ZNF469: variants seen among roughly 807,000 people sequenced by gnomAD.
ZNF469 encodes the protein zinc finger protein 469.
In ZNF469, 1 loss-of-function variant was observed where a neutral mutation model predicts 1.0. The observed-to-expected ratio is 1.00, with a 90% CI of 0.35 to 4.73. ZNF469 has a LOEUF of 4.73. Ranked by LOEUF, ZNF469 falls within the 30% of genes most tolerant of loss-of-function variation. The pLI is 0.16. For synonymous variants in ZNF469, 2,703 were observed against 2,363.4 expected (o/e 1.14, Z -4.17); for missense variants, 6,100 against 5,356.3 (o/e 1.14, Z -4.33).
chr16:88,101,532 C>T, the ZNF469 span, among the ~76,000 whole-genome samples: 1 of 141,614 alleles, frequency 7.1e-6, no homozygotes, highest in Non-Finnish European at 1.5e-5. Context: ...GTTAAACGTG[C>T]ATCTCATTAC....
At chr16:88,176,666 T>C in the ZNF469 span, among the ~76,000 whole-genome samples, 1 of 152,226 alleles carries the variant, frequency 6.6e-6, no homozygotes, top group Non-Finnish European at 1.5e-5. Flanking sequence ...GTTATCATGA[T>C]GACCGTGTGT....
the ZNF469 span, among the ~76,000 whole-genome samples, chr16:88,168,926 C>A: frequency 6.6e-6 from 1 of 152,082 alleles, no homozygotes; most frequent in Non-Finnish European, 1.5e-5. The surrounding 1 kb of genome is among the most constrained non-coding windows in gnomAD (Gnocchi z 4.3). Flanking sequence ...TGAGACCCCC[C>A]CCTCTACAAA....
At chr16:88,347,065 T>C in the ZNF469 span, among the ~76,000 whole-genome samples, 1 of 152,046 alleles carries the variant, frequency 6.6e-6, no homozygotes, top group Non-Finnish European at 1.5e-5. Flanking sequence ...TGTGGTAATG[T>C]GTGAACAGGC....
the ZNF469 span, among the ~76,000 whole-genome samples, chr16:88,212,308 G>A: frequency 6.6e-6 from 1 of 152,138 alleles, no homozygotes; most frequent in Non-Finnish European, 1.5e-5. Flanking sequence ...GAGTTCTCTT[G>A]CATTACATTT....
At chr16:88,305,436 G>A in the ZNF469 span, among the ~76,000 whole-genome samples, 18 of 101,956 alleles carry the variant, frequency 1.8e-4, no homozygotes, top group African/African-American at 6.3e-4. Flanking sequence ...CCTCACACAC[G>A]TGCACACATG....
chr16:88,179,074 G>A, the ZNF469 span: 1 of 152,412 alleles, frequency 6.6e-6, no homozygotes, highest in African/African-American at 2.4e-5. Context: ...TGGGTGCGTG[G>A]TCCGTGTGTG....
chr16:88,370,210 G>A, the ZNF469 span, among the ~76,000 whole-genome samples: 45 of 152,244 alleles, frequency 3.0e-4, no homozygotes, highest in African/African-American at 1.0e-3. Context: ...GCACCTATTC[G>A]GCACAATTTC....
chr16:88,399,561 G>C (rs72805335), intron 1 of ZNF469, among the ~76,000 whole-genome samples: 18,369 of 152,246 alleles, frequency 0.12, 1,402 homozygotes, highest in African/African-American at 0.21. Flanking sequence ...GGCCAGGCTG[G>C]AGCAGGGACA....
At chr16:88,301,096 C>T in the ZNF469 span, among the ~76,000 whole-genome samples, 3 of 151,904 alleles carry the variant, frequency 2.0e-5, no homozygotes, top group South Asian at 2.1e-4. Flanking sequence ...GAACTAAAGC[C>T]GTTGGGAGCG....
chr16:88,286,303 C>T, the ZNF469 span, among the ~76,000 whole-genome samples: 2 of 152,234 alleles, frequency 1.3e-5, no homozygotes, highest in African/African-American at 4.8e-5. Flanking sequence ...AAGATTGATT[C>T]GCTCCTTGGA....
At chr16:88,229,582 T>TGCCACGC in the ZNF469 span, among the ~76,000 whole-genome samples, 275 of 146,260 alleles carry the variant, frequency 1.9e-3, 2 homozygotes, top group Middle Eastern at 0.011. Context: ...TGTGCGCTGA[T>TGCCACGC]GTCACGCGTG....
the ZNF469 span, among the ~76,000 whole-genome samples, chr16:88,280,244 A>C: frequency 2.7e-5 from 4 of 149,814 alleles, 1 homozygote; most frequent in African/African-American, 7.4e-5. Flanking sequence ...CCTGACGCTC[A>C]GTCAGTACTG....
intron 1 of ZNF469, among the ~76,000 whole-genome samples, chr16:88,422,149 T>G (rs1597202233): frequency 7.3e-6 from 1 of 137,858 alleles, no homozygotes; most frequent in African/African-American, 2.8e-5. Flanking sequence ...GGTGAACGGG[T>G]GGGTGGATGG....
chr16:88,297,999 G>A, the ZNF469 span, among the ~76,000 whole-genome samples: 10 of 152,300 alleles, frequency 6.6e-5, no homozygotes, highest in Non-Finnish European at 1.2e-4. Flanking sequence ...CGAGCAGGGC[G>A]AGTCGATTCC....
chr16:88,364,489 CAAAAAAAAAAAAAAAA>C, the ZNF469 span, among the ~76,000 whole-genome samples: 1 of 56,142 alleles, frequency 1.8e-5, no homozygotes, highest in East Asian at 5.3e-4. Flanking sequence ...TGTTGATTTC[CAAAAAAAAAAAAAAAA>C]AAAAAAAAAA....
chr16:88,404,391 G>T (rs1391325974), intron 1 of ZNF469, among the ~76,000 whole-genome samples: 1 of 152,232 alleles, frequency 6.6e-6, no homozygotes, highest in Admixed American at 6.5e-5. Flanking sequence ...TGTGCTGTTA[G>T]TGATTCACCA....
the ZNF469 span, among the ~76,000 whole-genome samples, chr16:88,354,021 G>T: frequency 6.6e-6 from 1 of 152,342 alleles, no homozygotes; most frequent in African/African-American, 2.4e-5. Flanking sequence ...TGCCCCAGCT[G>T]GAATGTAAGG....
chr16:88,296,780 C>T, the ZNF469 span, among the ~76,000 whole-genome samples: 1 of 152,208 alleles, frequency 6.6e-6, no homozygotes, highest in Non-Finnish European at 1.5e-5. Context: ...CACACATGCA[C>T]ACATGCTCTC....
chr16:88,229,514 ATGTGTGCG>A, the ZNF469 span, among the ~76,000 whole-genome samples: 2 of 145,682 alleles, frequency 1.4e-5, no homozygotes, highest in Non-Finnish European at 3.0e-5. Flanking sequence ...TGAATGATGA[ATGTGTGCG>A]TGTGTGCTGA....
Sources: allele counts gnomAD v4.1 joint callset (sites outside exome capture counted in the v4.1 genomes callset), GRCh38; gene constraint gnomAD v4.1.1; non-coding constraint Gnocchi (gnomAD v3.1); transcripts MANE v1.5; gene names NCBI Gene and HGNC (gene_info 2026-07-23, HGNC 2026-07-21).